Variants in ASIC2 observed in about 807,000 individuals in gnomAD.
ASIC2 encodes acid sensing ion channel subunit 2.
A neutral mutation model predicts 57.3 loss-of-function variants in ASIC2; 25 were observed. The ratio of observed to expected loss-of-function variants is 0.44; its 90% confidence interval spans 0.32 to 0.61. The LOEUF is 0.61. Ranked by LOEUF, ASIC2 falls within the 20% of genes least tolerant of loss-of-function variation. The pLI is 0.06. For missense variants in ASIC2, 641 were observed against 738.1 expected (o/e 0.87, Z 1.52); for synonymous variants, 319 against 307.5 (o/e 1.04, Z -0.39).
At chr17:33,911,972 G>T (rs954749770) in intron 1 of ASIC2, among the ~76,000 whole-genome samples, 1 of 150,954 alleles carries the variant, frequency 6.6e-6, no homozygotes, top group East Asian at 2.0e-4. Flanking sequence ...GAAACCCCGT[G>T]TCTACTAAAA....
At chr17:33,955,053 T>G (rs1358480111) in intron 1 of ASIC2, 3 of 152,154 alleles carry the variant, frequency 2.0e-5, no homozygotes. Flanking sequence ...CAAAGGTAGG[T>G]AGGTAGGATG....
intron 1 of ASIC2, among the ~76,000 whole-genome samples, chr17:33,982,347 C>T (rs73990118): frequency 3.9e-4 from 60 of 152,350 alleles, no homozygotes; most frequent in African/African-American, 1.4e-3. Flanking sequence ...GAGACAGTTA[C>T]TGGCTGGAAT....
At chr17:33,969,896 G>A (rs78920450) in intron 1 of ASIC2, among the ~76,000 whole-genome samples, 3,602 of 152,156 alleles carry the variant, frequency 0.024, 101 homozygotes, top group African/African-American at 0.063. Context: ...CTAGGCCTCC[G>A]ATATGTAACT....
At chr17:33,034,694 T>C (rs2091901707) in intron 3 of ASIC2, among the ~76,000 whole-genome samples, 1 of 152,188 alleles carries the variant, frequency 6.6e-6, no homozygotes, top group African/African-American at 2.4e-5. Flanking sequence ...AGTCATATTC[T>C]TTTTATTGTT....
intron 1 of ASIC2, among the ~76,000 whole-genome samples, chr17:33,551,219 T>C (rs986265459): frequency 6.6e-6 from 1 of 152,228 alleles, no homozygotes; most frequent in African/African-American, 2.4e-5. Context: ...TCTAGCATTA[T>C]GAAAATGTTA....
rs143101678 is a variant in ASIC2, at chr17:34,055,633, T to G, written c.555+100345A>C. ...TGCTTATTCTAAAAGCTCATATTCA[T>G]GAAATCACACGGTATTTTCTTGTGT... On this transcript the variant is annotated intron_variant, in intron 1 of 9. Coordinates refer to the ASIC2 transcript ENST00000359872. Among the ~76,000 whole-genome samples the G allele has an allele frequency of 8.8e-3, 1,338 of 152,346 alleles. 22 individuals carry two copies. Among genetic ancestry groups the G allele is most frequent in the African/African-American group, 0.031 (1,269 of 41,584 alleles).
At chr17:33,983,517 G>A (rs1189427807) in intron 1 of ASIC2, among the ~76,000 whole-genome samples, 1 of 152,166 alleles carries the variant, frequency 6.6e-6, no homozygotes, top group Non-Finnish European at 1.5e-5. Context: ...AACAGTCAGA[G>A]AGCAGAGCAG....
intron 1 of ASIC2, among the ~76,000 whole-genome samples, chr17:33,515,313 T>G (rs1428742223): frequency 1.3e-5 from 2 of 152,172 alleles, no homozygotes; most frequent in African/African-American, 4.8e-5. Flanking sequence ...CTTGGCTGGC[T>G]CTGGATCTTC....
intron 1 of ASIC2, among the ~76,000 whole-genome samples, chr17:33,870,423 C>A (rs1914372865): frequency 6.6e-6 from 1 of 151,602 alleles, no homozygotes; most frequent in Non-Finnish European, 1.5e-5. Context: ...CTCATCACAG[C>A]CCACAACACT....
At chr17:33,543,204 T>G (rs1915475510) in intron 1 of ASIC2, among the ~76,000 whole-genome samples, 1 of 150,422 alleles carries the variant, frequency 6.6e-6, no homozygotes, top group Admixed American at 6.6e-5. Context: ...AGTTAGTGGG[T>G]GCAGTGCACC....
chr17:33,889,079 C>G (rs893017862), intron 1 of ASIC2, among the ~76,000 whole-genome samples: 1 of 152,144 alleles, frequency 6.6e-6, no homozygotes, highest in Non-Finnish European at 1.5e-5. Flanking sequence ...TGATAGCTGC[C>G]TCCTAGGAGC....
At chr17:33,320,337 C>A (rs546398762) in intron 1 of ASIC2, among the ~76,000 whole-genome samples, 5 of 152,252 alleles carry the variant, frequency 3.3e-5, no homozygotes, top group Non-Finnish European at 7.3e-5. Flanking sequence ...TTAGCACAGC[C>A]TGAGTCTTTC....
At chr17:33,621,909 T>A (rs957907260) in intron 1 of ASIC2, among the ~76,000 whole-genome samples, 5 of 152,154 alleles carry the variant, frequency 3.3e-5, no homozygotes, top group African/African-American at 1.2e-4. Context: ...GTTGGGATGA[T>A]AATAGTACCT....
At chr17:33,966,279 G>C (rs921532150) in intron 1 of ASIC2, among the ~76,000 whole-genome samples, 2 of 152,160 alleles carry the variant, frequency 1.3e-5, no homozygotes, top group Admixed American at 1.3e-4. Flanking sequence ...GATAGCATGG[G>C]CTTTGGAAGG....
intron 1 of ASIC2, among the ~76,000 whole-genome samples, chr17:33,371,888 T>C (rs1016404078): frequency 6.6e-6 from 1 of 152,040 alleles, no homozygotes; most frequent in African/African-American, 2.4e-5. Context: ...GTTAAAGCCA[T>C]GTATGAATTT....
chr17:33,935,072 T>G (rs936684999), intron 1 of ASIC2, among the ~76,000 whole-genome samples: 1 of 152,246 alleles, frequency 6.6e-6, no homozygotes, highest in African/African-American at 2.4e-5. Flanking sequence ...GAGCCCTGCC[T>G]GCAAGCCTCA....
At chr17:33,514,666 C>A (rs1175195105) in intron 1 of ASIC2, among the ~76,000 whole-genome samples, 1 of 152,144 alleles carries the variant, frequency 6.6e-6, no homozygotes, top group Admixed American at 6.5e-5. Context: ...GATCCCATAC[C>A]ATTACAATAG....
At chr17:33,340,183 T>C (rs186916503) in intron 1 of ASIC2, among the ~76,000 whole-genome samples, 59 of 152,296 alleles carry the variant, frequency 3.9e-4, no homozygotes, top group Non-Finnish European at 6.8e-4. Context: ...GCTCTTGGTA[T>C]ATTGTATTTT....
At chr17:33,349,579 C>T (rs1908080537) in intron 1 of ASIC2, among the ~76,000 whole-genome samples, 1 of 152,190 alleles carries the variant, frequency 6.6e-6, no homozygotes, top group Admixed American at 6.5e-5. Context: ...CCCTCCAGCT[C>T]CACCCAAAGC....
Sources: allele counts gnomAD v4.1 joint callset (sites outside exome capture counted in the v4.1 genomes callset), GRCh38; gene constraint gnomAD v4.1.1; transcripts MANE v1.5; gene names NCBI Gene and HGNC (gene_info 2026-07-23, HGNC 2026-07-21).